The following CHRM3 variants were observed in gnomAD, a reference collection of about 807,000 sequenced individuals.
CHRM3 encodes the protein cholinergic receptor muscarinic 3, also known as muscarinic acetylcholine receptor M3.
In CHRM3, 11 loss-of-function variants were observed where a neutral mutation model predicts 41.8. The observed-to-expected ratio is 0.26, with a 90% CI of 0.17 to 0.44. The LOEUF (loss-of-function observed/expected upper bound fraction) is 0.44, where lower values mean the gene tolerates loss of function less well. Ranked by LOEUF, CHRM3 falls within the 20% of genes least tolerant of loss-of-function variation. The pLI is 1.00. For synonymous variants in CHRM3, 297 were observed against 301.4 expected (o/e 0.99, Z 0.15); for missense variants, 571 against 745.4 (o/e 0.77, Z 2.72).
chr1:239,833,091 G>T (rs1476258932), intron 6 of CHRM3, among the ~76,000 whole-genome samples: 1 of 152,128 alleles, frequency 6.6e-6, no homozygotes, highest in Non-Finnish European at 1.5e-5. Flanking sequence ...ACAAAGCCTT[G>T]TATCTCAGTC....
intron 1 of CHRM3, among the ~76,000 whole-genome samples, chr1:239,435,235 A>C (rs1042613778): frequency 6.6e-6 from 1 of 152,122 alleles, no homozygotes; most frequent in Admixed American, 6.5e-5. Flanking sequence ...GCGGATCACG[A>C]GGTCAGGAGT....
At chr1:239,618,647 A>T (rs933177563) in intron 3 of CHRM3, among the ~76,000 whole-genome samples, 6 of 151,622 alleles carry the variant, frequency 4.0e-5, no homozygotes, top group South Asian at 2.1e-4. Context: ...GATCGAGACC[A>T]TCCTGGCTAA....
At chr1:239,661,782 A>AT (rs1193980767) in intron 4 of CHRM3, among the ~76,000 whole-genome samples, 2 of 152,192 alleles carry the variant, frequency 1.3e-5, no homozygotes, top group East Asian at 3.9e-4. Context: ...TACAACACGG[A>AT]GAGTGAACCC....
chr1:239,758,898 C>T (rs1666460578), intron 5 of CHRM3, among the ~76,000 whole-genome samples: 1 of 152,104 alleles, frequency 6.6e-6, no homozygotes, highest in African/African-American at 2.4e-5. Flanking sequence ...GACAGGGGTG[C>T]GATTTCTAAT....
chr1:239,794,122 A>G (rs1669568191), intron 5 of CHRM3, among the ~76,000 whole-genome samples: 1 of 152,068 alleles, frequency 6.6e-6, no homozygotes, highest in South Asian at 2.1e-4. Context: ...CCCACTTTAA[A>G]TAGTTTAGAT....
chr1:239,679,027 G>GGATAGATAGATAGATAGATA (rs61514483), intron 5 of CHRM3, among the ~76,000 whole-genome samples: 1,555 of 148,760 alleles, frequency 0.01, 12 homozygotes, highest in Middle Eastern at 0.017. Context: ...GTAGATAGAT[G>GGATAGATAGATAGATAGATA]GATAGATAGA....
intron 3 of CHRM3, 95 bp from the exon 4 acceptor site, chr1:239,632,129 C>T (rs1428647738): frequency 1.3e-5 from 2 of 152,190 alleles, no homozygotes; most frequent in East Asian, 1.9e-4. Flanking sequence ...TCCATTGCCT[C>T]TAATCGTGTT....
intron 5 of CHRM3, among the ~76,000 whole-genome samples, chr1:239,742,916 C>T (rs1206813293): frequency 3.9e-5 from 6 of 152,158 alleles, no homozygotes; most frequent in Non-Finnish European, 7.4e-5. Context: ...TGACATCTGT[C>T]GCCATCTAAT....
intron 3 of CHRM3, among the ~76,000 whole-genome samples, chr1:239,620,808 AAG>A (rs1230587859): frequency 1.3e-5 from 2 of 152,144 alleles, no homozygotes; most frequent in Non-Finnish European, 2.9e-5. Flanking sequence ...CTCTCTTACA[AAG>A]AGAGAGTTAG....
intron 4 of CHRM3, among the ~76,000 whole-genome samples, chr1:239,641,191 G>T (rs1671105594): frequency 6.6e-6 from 1 of 152,050 alleles, no homozygotes; most frequent in Admixed American, 6.6e-5. Context: ...CCAACTATGT[G>T]GTCAATTTTG....
chr1:239,526,899 T>G (rs756199092), intron 2 of CHRM3, among the ~76,000 whole-genome samples: 12 of 152,090 alleles, frequency 7.9e-5, no homozygotes, highest in Non-Finnish European at 1.0e-4. Flanking sequence ...GGTAGGAGGA[T>G]CTCTTGAGCC....
intron 5 of CHRM3, among the ~76,000 whole-genome samples, chr1:239,762,203 T>C (rs948520875): frequency 1.3e-4 from 20 of 152,230 alleles, no homozygotes; most frequent in Non-Finnish European, 4.4e-5. Flanking sequence ...CCTTTAATAC[T>C]AGTTCAATAA....
At chr1:239,660,165 A>G (rs1673062254) in intron 4 of CHRM3, among the ~76,000 whole-genome samples, 5 of 152,018 alleles carry the variant, frequency 3.3e-5, no homozygotes, top group Admixed American at 3.3e-4. Flanking sequence ...TGTTTTTTGT[A>G]GAGATGGGGT....
At chr1:239,658,719 G>A (rs150371921) in intron 4 of CHRM3, among the ~76,000 whole-genome samples, 277 of 152,006 alleles carry the variant, frequency 1.8e-3, no homozygotes, top group Non-Finnish European at 2.4e-3. Flanking sequence ...TCCTCTCATA[G>A]CTTCTTCAAG....
intron 6 of CHRM3, among the ~76,000 whole-genome samples, chr1:239,881,386 T>TGA: frequency 7.5e-6 from 1 of 133,156 alleles, no homozygotes; most frequent in South Asian, 2.5e-4. Context: ...AGAAAGTGGG[T>TGA]GAGGGGAAAA....
chr1:239,682,945 G>A (rs1388764840), intron 5 of CHRM3, among the ~76,000 whole-genome samples: 1 of 151,954 alleles, frequency 6.6e-6, no homozygotes, highest in Non-Finnish European at 1.5e-5. Context: ...AATTTAATTA[G>A]GCTATTTAGC....
At chr1:239,684,738 GAGAAAGAAAGAGAA>G (rs1283569452) in intron 5 of CHRM3, among the ~76,000 whole-genome samples, 21 of 62,352 alleles carry the variant, frequency 3.4e-4, no homozygotes, top group African/African-American at 1.0e-3. Context: ...AAAGGAAAGA[GAGAAAGAAAGAGAA>G]AGAAAGAAAG....
At chr1:239,400,184 C>T (rs1177980996) in intron 1 of CHRM3, among the ~76,000 whole-genome samples, 3 of 152,228 alleles carry the variant, frequency 2.0e-5, no homozygotes, top group African/African-American at 7.2e-5. Context: ...GTGGGGATTA[C>T]AGGCGTGAGC....
intron 5 of CHRM3, among the ~76,000 whole-genome samples, chr1:239,775,217 A>G (rs1177975418): frequency 6.6e-6 from 1 of 152,216 alleles, no homozygotes; most frequent in East Asian, 1.9e-4. Context: ...TGAAAAATCA[A>G]GCAATAATTT....
Sources: allele counts gnomAD v4.1 joint callset (sites outside exome capture counted in the v4.1 genomes callset), GRCh38; gene constraint gnomAD v4.1.1; transcripts MANE v1.5; gene names NCBI Gene and HGNC (gene_info 2026-07-23, HGNC 2026-07-21).